Variants in ABR observed in about 807,000 individuals in gnomAD.
ABR encodes the protein active breakpoint cluster region-related protein.
A neutral mutation model predicts 107.2 loss-of-function variants in ABR; 35 were observed. That is an observed-to-expected ratio of 0.33 (90% confidence interval 0.25 to 0.43). The LOEUF (loss-of-function observed/expected upper bound fraction) is 0.43. Among genes scored for constraint, ABR ranks in the 20% least tolerant of loss-of-function variants. ABR has a pLI of 1.00. For missense variants in ABR, 815 were observed against 1,115.2 expected, an observed-to-expected ratio of 0.73 and a Z score of 3.83; for synonymous variants, 498 against 462.0, an observed-to-expected ratio of 1.08 and a Z score of -1.00.
At chr17:1,115,786 C>A (rs1434085738) in intron 2 of ABR, among the ~76,000 whole-genome samples, 1 of 149,454 alleles carries the variant, frequency 6.7e-6, no homozygotes, top group East Asian at 2.0e-4. Flanking sequence ...ATTAGCCAGG[C>A]GTACTGGCGG....
At chr17:1,178,472 G>A (rs953604495) in intron 1 of ABR, among the ~76,000 whole-genome samples, 1 of 151,776 alleles carries the variant, frequency 6.6e-6, no homozygotes, top group African/African-American at 2.4e-5. Flanking sequence ...GCTGAGGCGG[G>A]AGAATCACTT....
upstream of ABR, among the ~76,000 whole-genome samples, chr17:1,182,601 C>T (rs181964373): frequency 1.3e-3 from 199 of 152,270 alleles, no homozygotes; most frequent in Admixed American, 2.5e-3. Flanking sequence ...CTCCTGACCT[C>T]GTGATCCGCC....
Position 1,028,170 on chromosome 17 carries a change from A to G in ABR, c.1792-15006T>C, listed in dbSNP as rs559488004. ...CAGTGGCATGATCTCGGCTCACTGC[A>G]ACCTCCACCTCCCAGGTTCAAGCGA... On this transcript the variant is annotated intron_variant, in intron 16 of 22. Coordinates refer to ENST00000302538, the MANE Select transcript of ABR (RefSeq NM_021962.5). 4.6e-5 allele frequency among the ~76,000 whole-genome samples: 7 copies of G among 152,004 alleles called. No homozygotes were observed. In the East Asian group the frequency reaches 1.4e-3, roughly 29 times the overall value.
At chr17:1,203,431 C>A (rs2042719429) in intron 1 of ABR, among the ~76,000 whole-genome samples, 1 of 11,306 alleles carries the variant, frequency 8.8e-5, no homozygotes, top group Admixed American at 1.3e-3. Context: ...GCGGGGCCCG[C>A]GGGGACGGAG....
intron 1 of ABR, among the ~76,000 whole-genome samples, chr17:1,198,993 G>T (rs1029277081): frequency 6.8e-6 from 1 of 147,218 alleles, no homozygotes; most frequent in African/African-American, 2.6e-5. Context: ...GGCAGAGGTT[G>T]CAGTGAGCCG....
At chr17:1,163,278 C>T (rs983342025) in intron 1 of ABR, among the ~76,000 whole-genome samples, 10 of 152,198 alleles carry the variant, frequency 6.6e-5, no homozygotes, top group African/African-American at 1.2e-4. Context: ...CTGCATCAAT[C>T]GCATCGTGAT....
chr17:1,151,765 A>C (rs1567830502), intron 1 of ABR, among the ~76,000 whole-genome samples: 1 of 152,202 alleles, frequency 6.6e-6, no homozygotes, highest in East Asian at 1.9e-4. Flanking sequence ...CAAAACAGGA[A>C]CATCACTGCC....
At chr17:1,156,413 G>A (rs552354049) in intron 1 of ABR, among the ~76,000 whole-genome samples, 2 of 152,350 alleles carry the variant, frequency 1.3e-5, no homozygotes, top group South Asian at 4.1e-4. Flanking sequence ...AAATGCTGTG[G>A]TGGCTCACGC....
chr17:1,016,832 A>G (rs886430305), intron 16 of ABR, among the ~76,000 whole-genome samples: 1 of 152,120 alleles, frequency 6.6e-6, no homozygotes, highest in African/African-American at 2.4e-5. Context: ...CGTCGCCCTC[A>G]GAACGTCTCT....
chr17:1,166,784 G>A (rs1043174507), intron 1 of ABR, among the ~76,000 whole-genome samples: 9 of 152,180 alleles, frequency 5.9e-5, no homozygotes, highest in Admixed American at 1.3e-4. Context: ...CGGATCACCT[G>A]AGGTCAGGAG....
chr17:1,010,469 C>A lies in ABR; in HGVS notation c.2236+260G>T, dbSNP rs750882928. ...GATGCTCGAGCTTCCAAGCAAGAGG[C>A]CAACGTCCAAATAGGAAGCAGAAGG... On this transcript the variant is annotated intron_variant, in intron 20 of 22. Transcript: ENST00000302538. This position sits in a 1 kb window ranked among gnomAD's most constrained non-coding sequence, Gnocchi z 4.1. 4.8e-5 allele frequency: 24 copies of A among 501,638 alleles called. No homozygotes were observed. The highest frequency in any genetic ancestry group is 4.3e-4 in the African/African-American group (22 of 51,716). 31.1% of individuals were successfully genotyped at this position (501,638 alleles called of 1,614,324 possible).
At chr17:1,019,632 AGGAG>A (rs1313524088) in intron 16 of ABR, among the ~76,000 whole-genome samples, 2 of 152,226 alleles carry the variant, frequency 1.3e-5, no homozygotes, top group Admixed American at 6.5e-5. Context: ...TTAAACACAG[AGGAG>A]GGAGGGAGAG....
At chr17:1,175,695 T>G (rs1476348705) in intron 1 of ABR, among the ~76,000 whole-genome samples, 1 of 152,108 alleles carries the variant, frequency 6.6e-6, no homozygotes, top group African/African-American at 2.4e-5. Context: ...GATGGAGGGT[T>G]TGCTGCCCAA....
At chr17:1,191,632 A>C (rs1221174834), upstream of ABR, among the ~76,000 whole-genome samples, 1 of 152,062 alleles carries the variant, frequency 6.6e-6, no homozygotes, top group Non-Finnish European at 1.5e-5. Context: ...CTGGGACTCC[A>C]GGCGTGAGCA....
intron 6 of ABR, among the ~76,000 whole-genome samples, chr17:1,075,531 G>A (rs910244230): frequency 5.3e-5 from 8 of 152,208 alleles, no homozygotes; most frequent in Admixed American, 2.6e-4. Context: ...AGCCTTACCC[G>A]CAGTCCGAGC....
At chr17:1,023,722 G>A (rs1007283413) in intron 16 of ABR, among the ~76,000 whole-genome samples, 1 of 152,174 alleles carries the variant, frequency 6.6e-6, no homozygotes, top group Non-Finnish European at 1.5e-5. Flanking sequence ...TGGACCTGGA[G>A]TGGTTAAGAA....
chr17:1,086,479 T>C (rs1006049852), intron 4 of ABR, among the ~76,000 whole-genome samples: 4 of 151,770 alleles, frequency 2.6e-5, no homozygotes, highest in Admixed American at 2.0e-4. Context: ...CTGTAAAATA[T>C]GATATATGTG....
At chr17:1,049,191 A>AT (rs903761200) in intron 16 of ABR, among the ~76,000 whole-genome samples, 15 of 151,932 alleles carry the variant, frequency 9.9e-5, no homozygotes, top group Admixed American at 8.5e-4. Context: ...ATTTATTTTT[A>AT]TTTTTTTGGA....
rs72814067 is a variant in ABR at position 1,124,859 on chromosome 17, G to A, written c.246+324C>T. Among the ~76,000 whole-genome samples the A allele has an allele frequency of 9.5e-3, 1,442 of 152,272 alleles. 11 individuals are homozygous for A. The highest frequency in any genetic ancestry group is 0.016 in the Non-Finnish European group (1,058 of 68,020). Reference sequence around the variant, plus strand: ...CTGGGTGCAGAGGGGAGGAGAGCCTGGTCCTCTCCTGGGTCCTCTGGAGGA... The same window carrying A: ...CTGGGTGCAGAGGGGAGGAGAGCCTAGTCCTCTCCTGGGTCCTCTGGAGGA... On this transcript the variant is annotated intron_variant, in intron 2 of 22. Coordinates refer to ENST00000302538, the MANE Select transcript of ABR (RefSeq NM_021962.5).
Sources: gnomAD v4.1 joint callset for allele counts (sites outside exome capture counted in the v4.1 genomes callset) on GRCh38, gnomAD v4.1.1 for gene constraint, Gnocchi (gnomAD v3.1) non-coding constraint, MANE v1.5 for transcripts, NCBI Gene and HGNC (gene_info 2026-07-23, HGNC 2026-07-21) for gene names.